EML6: variants seen among roughly 807,000 people sequenced by gnomAD.
EML6 encodes EMAP like 6.
In EML6, 154 loss-of-function variants were observed where a neutral mutation model predicts 240.1. That is an observed-to-expected ratio of 0.64 (90% CI 0.56 to 0.73). The LOEUF (loss-of-function observed/expected upper bound fraction) is 0.73, where lower values mean the gene tolerates loss of function less well. Among genes scored for constraint, EML6 ranks in the 30% least tolerant of loss-of-function variants. The pLI, the probability that EML6 is intolerant of heterozygous loss-of-function variation, is 0.00. For missense variants in EML6, 2,964 were observed against 2,474.6 expected, an observed-to-expected ratio of 1.20 and a Z score of -4.20; for synonymous variants, 1,148 against 899.0, an observed-to-expected ratio of 1.28 and a Z score of -4.95.
In EML6 at chr2:54,923,390, CACA is replaced by C. The variant is rs1300110175; in HGVS notation, c.3676-4922_3676-4920del. 7.3e-5 allele frequency among the ~76,000 whole-genome samples: 11 copies of C among 151,716 alleles called. No individual in the cohort carries two copies. The East Asian group carries it at 2.1e-3, about 29-fold the overall frequency. On this transcript the variant is annotated intron_variant, in intron 26 of 41. Coordinates refer to ENST00000356458, the MANE Select transcript of EML6 (RefSeq NM_001039753.4). ...ACGCACACACACACACACACACACACACACACACACACACAATGGTAACTATGT... is the reference window on the plus strand; with the variant it reads ...ACGCACACACACACACACACACACACCACACACACACAATGGTAACTATGT...
intron 13 of EML6, among the ~76,000 whole-genome samples, chr2:54,864,159 C>G (rs770051777): frequency 5.9e-5 from 9 of 152,154 alleles, no homozygotes; most frequent in Non-Finnish European, 1.2e-4. Context: ...GCACCTAAAA[C>G]TTTAAAATAT....
chr2:54,764,175 A>G (rs1668089244), intron 2 of EML6, among the ~76,000 whole-genome samples: 1 of 152,252 alleles, frequency 6.6e-6, no homozygotes, highest in South Asian at 2.1e-4. Flanking sequence ...TAGAAAGGTT[A>G]TAGACAGCGG....
chr2:54,870,275 C>T (rs1344213597), intron 15 of EML6, among the ~76,000 whole-genome samples: 1 of 152,058 alleles, frequency 6.6e-6, no homozygotes, highest in Non-Finnish European at 1.5e-5. Flanking sequence ...GGGGAGTCAA[C>T]CCCTTAAAAA....
At chr2:54,918,635 C>G (rs968159472) in intron 26 of EML6, among the ~76,000 whole-genome samples, 2 of 152,192 alleles carry the variant, frequency 1.3e-5, no homozygotes, top group Admixed American at 6.5e-5. Flanking sequence ...TCATGAGCCA[C>G]CATACCCAGC....
At chr2:54,938,261 A>G (rs1675253387) in intron 28 of EML6, among the ~76,000 whole-genome samples, 1 of 152,170 alleles carries the variant, frequency 6.6e-6, no homozygotes, top group Non-Finnish European at 1.5e-5. Context: ...GAGGAGAATT[A>G]CTTGAATCAC....
chr2:54,953,877 ACT>A (rs1303428338), intron 31 of EML6, 104 bp from the exon 32 acceptor site: 12 of 924,654 alleles, frequency 1.3e-5, no homozygotes, highest in Non-Finnish European at 1.9e-5. Flanking sequence ...ACAGAGCAAG[ACT>A]CTGTCTAAAA....
chr2:54,961,184 G>GTTGTTTTTTTTGTTTTGTTTTTTTTTT lies in EML6; in HGVS notation c.4968+852_4968+853insGTTTTTTTTGTTTTGTTTTTTTTTTTT. 2.5e-4 allele frequency among the ~76,000 whole-genome samples: 14 copies of GTTGTTTTTTTTGTTTTGTTTTTTTTTT among 55,414 alleles called. 3 individuals carry two copies. The highest frequency in any genetic ancestry group is 2.8e-4 in the Non-Finnish European group (9 of 31,662). 36.4% of individuals were successfully genotyped at this position (55,414 alleles called of 152,430 possible). A position where few individuals can be genotyped will look rare whatever the true frequency, so the allele number is the denominator to read the frequency against. ...GGAGCCTGGAAGTTATCAGGAAGTA[G>GTTGTTTTTTTTGTTTTGTTTTTTTTTT]TTTTTTTTTTTTTTTTTTTGAGACG... On this transcript the variant is annotated intron_variant, in intron 35 of 41. Coordinates refer to ENST00000356458, the MANE Select transcript of EML6 (RefSeq NM_001039753.4).
intron 7 of EML6, among the ~76,000 whole-genome samples, chr2:54,838,616 T>C (rs879479870): frequency 6.6e-5 from 10 of 152,328 alleles, no homozygotes; most frequent in Admixed American, 1.3e-4. Context: ...GCAGAGGGAA[T>C]TGGAAGGTTG....
At chr2:54,858,772 CAT>C (rs951620095) in intron 11 of EML6, among the ~76,000 whole-genome samples, 7 of 152,172 alleles carry the variant, frequency 4.6e-5, no homozygotes, top group Non-Finnish European at 8.8e-5. Flanking sequence ...GAAATTTAAA[CAT>C]GTGATAGTTG....
At chr2:54,865,333 A>AC (rs1447785870) in intron 13 of EML6, among the ~76,000 whole-genome samples, 3 of 150,682 alleles carry the variant, frequency 2.0e-5, no homozygotes, top group African/African-American at 7.3e-5. Flanking sequence ...AAAAAAAAAA[A>AC]AAACTGCTGG....
At chr2:54,922,491 T>A (rs1471742170) in intron 26 of EML6, among the ~76,000 whole-genome samples, 2 of 152,154 alleles carry the variant, frequency 1.3e-5, no homozygotes, top group South Asian at 4.1e-4. Context: ...ATATGGAGGT[T>A]CCTCAAAAAA....
At chr2:54,968,441 C>G (rs1353779113) in intron 40 of EML6, among the ~76,000 whole-genome samples, 160 bp downstream of exon 40, 1 of 152,148 alleles carries the variant, frequency 6.6e-6, no homozygotes, top group Non-Finnish European at 1.5e-5. Flanking sequence ...AGGGGCAGTC[C>G]TGGAAGCCAG....
At position 54,946,242 on chromosome 2, in the gene EML6, G is replaced by A. The variant is rs573142074; in HGVS notation, c.4005-2640G>A. ...TCCTCAAAGCCTACTTGCCCCACCAGGCCCCTTTGTGTCTCTGCTCCTCCC... is the reference window on the plus strand; with the variant it reads ...TCCTCAAAGCCTACTTGCCCCACCAAGCCCCTTTGTGTCTCTGCTCCTCCC... On this transcript the variant is annotated intron_variant, in intron 28 of 41. Transcript: ENST00000356458. Among the ~76,000 whole-genome samples the A allele has an allele frequency of 7.1e-4, 108 of 152,076 alleles. 1 individual carries two copies. The highest frequency in any genetic ancestry group is 2.5e-3 in the African/African-American group (103 of 41,474).
intron 28 of EML6, among the ~76,000 whole-genome samples, chr2:54,937,170 T>C (rs1675180113): frequency 6.6e-6 from 1 of 151,496 alleles, no homozygotes; most frequent in South Asian, 2.1e-4. Context: ...CCCAGCTACT[T>C]GAGAGGCTGA....
chr2:54,961,738 C>G (rs1676525392), intron 35 of EML6, among the ~76,000 whole-genome samples: 1 of 151,884 alleles, frequency 6.6e-6, no homozygotes, highest in African/African-American at 2.4e-5. Flanking sequence ...CATGGTGGCT[C>G]ACACCTGTAA....
Position 54,925,291 on chromosome 2 carries a change from A to G in EML6, c.3676-3022A>G, listed in dbSNP as rs146165706. On this transcript the variant is annotated intron_variant, in intron 26 of 41. Coordinates refer to ENST00000356458, the MANE Select transcript of EML6 (RefSeq NM_001039753.4). Reference sequence around the variant, plus strand: ...AGGAACCAAATTGGCCAGCACCTTCATCTTGCCCAGCCTCTAAAACTGTGA... The same window carrying G: ...AGGAACCAAATTGGCCAGCACCTTCGTCTTGCCCAGCCTCTAAAACTGTGA... 9.4e-4 allele frequency among the ~76,000 whole-genome samples: 143 copies of G among 152,286 alleles called. 3 individuals carry two copies. The highest frequency in any genetic ancestry group is 3.5e-3 in the East Asian group (18 of 5,174).
At chr2:54,891,926 C>T (rs969282728) in intron 18 of EML6, among the ~76,000 whole-genome samples, 2 of 152,152 alleles carry the variant, frequency 1.3e-5, no homozygotes, top group African/African-American at 4.8e-5. Flanking sequence ...CTACCTTTTC[C>T]TACAAAACAA....
chr2:54,889,231 T>A (rs1258997514), intron 17 of EML6, among the ~76,000 whole-genome samples: 2 of 152,152 alleles, frequency 1.3e-5, no homozygotes, highest in African/African-American at 4.8e-5. Context: ...GGAGAGCTAC[T>A]CTCTGCACTC....
chr2:54,826,366 A>G (rs1305268963), intron 5 of EML6, among the ~76,000 whole-genome samples: 1 of 152,244 alleles, frequency 6.6e-6, no homozygotes, highest in Non-Finnish European at 1.5e-5. Flanking sequence ...TGAGAGGCCA[A>G]GTGGGGCAGA....
Sources: allele counts gnomAD v4.1 joint callset (sites outside exome capture counted in the v4.1 genomes callset), GRCh38; gene constraint gnomAD v4.1.1; transcripts MANE v1.5; gene names NCBI Gene and HGNC (gene_info 2026-07-23, HGNC 2026-07-21).